Variants in TOX observed in about 807,000 individuals in gnomAD.
TOX encodes the protein thymocyte selection associated high mobility group box.
In TOX, 11 loss-of-function variants were observed where a neutral mutation model predicts 53.7. The ratio of observed to expected loss-of-function variants is 0.20; its 90% CI spans 0.13 to 0.34. The LOEUF is 0.34. Ranked by LOEUF, TOX falls within the 10% of genes least tolerant of loss-of-function variation. The pLI is 1.00. For synonymous variants in TOX, 225 were observed against 245.3 expected (o/e 0.92, Z 0.77); for missense variants, 570 against 664.6 (o/e 0.86, Z 1.56).
At chr8:58,907,567 C>A (rs1245548105) in intron 3 of TOX, among the ~76,000 whole-genome samples, 2 of 152,020 alleles carry the variant, frequency 1.3e-5, no homozygotes, top group African/African-American at 4.8e-5. Context: ...TGCACTCCAG[C>A]CTGTGCGACA....
At chr8:58,827,552 C>A (rs1810386554) in intron 5 of TOX, among the ~76,000 whole-genome samples, 1 of 152,182 alleles carries the variant, frequency 6.6e-6, no homozygotes, top group Non-Finnish European at 1.5e-5. Flanking sequence ...TGGTCACGTC[C>A]TTTCCAAGAA....
Position 59,057,481 on chromosome 8 carries a change from T to C in TOX, c.102+61405A>G, listed in dbSNP as rs991023843. Among the ~76,000 whole-genome samples the C allele has an allele frequency of 4.6e-5, 7 of 152,288 alleles. No homozygotes were observed. The East Asian group carries it at 1.3e-3, about 29-fold the overall frequency. On this transcript the variant is annotated intron_variant, in intron 1 of 8. Coordinates refer to ENST00000361421, the MANE Select transcript of TOX (RefSeq NM_014729.3). ...ACTGGAAACAATAAGTATTAGTTCC[T>C]AGTATCTGATTTAATCCTCACCCCA...
intron 1 of TOX, among the ~76,000 whole-genome samples, chr8:59,112,563 T>C (rs1024832353): frequency 2.0e-5 from 3 of 152,056 alleles, no homozygotes; most frequent in African/African-American, 7.2e-5. Context: ...TTCTGAAAAG[T>C]GCATATTCAA....
Position 58,815,690 on chromosome 8 carries a change from T to G in TOX, c.1040A>C (p.Gln347Pro). Residue 347 changes from glutamine to proline, a missense_variant, in exon 7 of 9, where the codon CAA (glutamine) becomes CCA (proline). This residue lies in a region of TOX where 239 missense variants were observed against 250.7 expected (regional missense o/e 0.95). Transcript: ENST00000361421. ...YSEPVDVKTS[Q>P]PPQLINSKPS... ...CTTCGAATTGATCAGCTGAGGAGGTTGAGATGTCTTCACGTCAACAGGTTC... is the reference window on the plus strand; with the variant it reads ...CTTCGAATTGATCAGCTGAGGAGGTGGAGATGTCTTCACGTCAACAGGTTC... 6.2e-7 allele frequency: 1 copy of G among 1,613,466 alleles called. No homozygotes were observed. The highest frequency in any genetic ancestry group is 8.5e-7 in the Non-Finnish European group (1 of 1,179,706).
Position 58,815,625 on chromosome 8 carries a change from G to A in TOX, c.1105C>T (p.Leu369=), listed in dbSNP as rs199561519. Residue 369 remains leucine, a synonymous_variant, in exon 7 of 9, where the codon CTG becomes TTG. Transcript: ENST00000361421. ...FHGPSQAHSA[L]YLSSHYHQQP... ...TGGTGATAGTGGGAACTTAGGTACA[G>A]GGCCGAGTGGGCCTGGCTGGGCCCA... The A allele has an allele frequency of 3.4e-4, 555 of 1,614,048 alleles. 1 individual carries two copies. Among genetic ancestry groups the A allele is most frequent in the Non-Finnish European group, 4.4e-4 (516 of 1,180,028 alleles).
intron 3 of TOX, among the ~76,000 whole-genome samples, chr8:58,879,338 A>G (rs2129170744): frequency 6.6e-6 from 1 of 152,334 alleles, no homozygotes; most frequent in African/African-American, 2.4e-5. Context: ...ATTAGTGCAT[A>G]TAATTTAGAA....
At chr8:58,913,557 G>A (rs1324245744) in intron 3 of TOX, among the ~76,000 whole-genome samples, 1 of 151,986 alleles carries the variant, frequency 6.6e-6, no homozygotes, top group African/African-American at 2.4e-5. Context: ...CATTCTCTTG[G>A]TGCTTCACCT....
chr8:59,093,919 C>A (rs534695608), intron 1 of TOX, among the ~76,000 whole-genome samples: 38 of 152,252 alleles, frequency 2.5e-4, no homozygotes, highest in African/African-American at 9.1e-4. Context: ...TACCTGCCAG[C>A]TTGTCACACT....
intron 1 of TOX, among the ~76,000 whole-genome samples, chr8:59,076,491 A>G (rs1804294576): frequency 6.6e-6 from 1 of 152,190 alleles, no homozygotes; most frequent in Non-Finnish European, 1.5e-5. Context: ...TTTTTAAAAG[A>G]ATTCATAATA....
intron 1 of TOX, among the ~76,000 whole-genome samples, chr8:58,988,110 T>C (rs1008523248): frequency 6.6e-6 from 1 of 152,184 alleles, no homozygotes; most frequent in Non-Finnish European, 1.5e-5. Context: ...AAACATTGGA[T>C]GAACAGTCAC....
intron 3 of TOX, among the ~76,000 whole-genome samples, chr8:58,900,346 G>A (rs1462853912): frequency 6.6e-6 from 1 of 151,894 alleles, no homozygotes; most frequent in Non-Finnish European, 1.5e-5. Flanking sequence ...ACAAGTAGAT[G>A]AATACATATA....
At chr8:58,974,862 T>C (rs1813062431) in intron 1 of TOX, among the ~76,000 whole-genome samples, 1 of 152,158 alleles carries the variant, frequency 6.6e-6, no homozygotes, top group African/African-American at 2.4e-5. Flanking sequence ...TCTGAGTAGA[T>C]GGCACTATTA....
In TOX at chr8:58,877,858, TAAAAA is replaced by T. The variant is rs76496222; in HGVS notation, c.412-26058_412-26054del. Reference sequence around the variant, plus strand: ...GAATATTTGGAGAAAGCCTACATATTAAAAAAAAAAAAAGCCTCAGGAAAACTTTC... The same window carrying T: ...GAATATTTGGAGAAAGCCTACATATTAAAAAAAAGCCTCAGGAAAACTTTC... On this transcript the variant is annotated intron_variant, in intron 3 of 8. Coordinates refer to ENST00000361421, the MANE Select transcript of TOX (RefSeq NM_014729.3). Among the ~76,000 whole-genome samples, 4 of 147,730 alleles carry T rather than the reference TAAAAA, an allele frequency of 2.7e-5. No homozygotes were observed. The East Asian group carries it at 5.9e-4, about 22-fold the overall frequency.
At chr8:59,105,744 C>G (rs944150415) in intron 1 of TOX, among the ~76,000 whole-genome samples, 1 of 152,150 alleles carries the variant, frequency 6.6e-6, no homozygotes, top group Admixed American at 6.5e-5. Flanking sequence ...CTTTTTCTCA[C>G]CTATTCAAAA....
At position 59,063,337 on chromosome 8, in the gene TOX, T is replaced by C. The variant is rs902125412; in HGVS notation, c.102+55549A>G. ...TATTTTTATGTTTCTCACCTAATGA[T>C]AAAATTTGCAAAATTTTTTTTTTAT... is the stretch of plus-strand genomic sequence containing the variant. On this transcript the variant is annotated intron_variant, in intron 1 of 8. Coordinates refer to ENST00000361421, the MANE Select transcript of TOX (RefSeq NM_014729.3). 1.3e-4 allele frequency among the ~76,000 whole-genome samples: 20 copies of C among 152,108 alleles called. 1 individual carries two copies. Among genetic ancestry groups the C allele is most frequent in the Middle Eastern group, 3.4e-3 (1 of 292 alleles).
chr8:59,023,143 C>T (rs569901214), intron 1 of TOX, among the ~76,000 whole-genome samples: 10 of 152,106 alleles, frequency 6.6e-5, no homozygotes, highest in African/African-American at 2.4e-4. Context: ...CGCTGAGAAA[C>T]TGAAGGTTTA....
chr8:58,991,913 C>G (rs1226476257), intron 1 of TOX: 1 of 152,240 alleles, frequency 6.6e-6, no homozygotes, highest in Non-Finnish European at 1.5e-5. Flanking sequence ...TCTCCCCTGG[C>G]TGTCAGGCAG....
intron 3 of TOX, among the ~76,000 whole-genome samples, chr8:58,897,951 C>G (rs1811679498): frequency 6.6e-6 from 1 of 152,058 alleles, no homozygotes; most frequent in Non-Finnish European, 1.5e-5. Flanking sequence ...GAATTTAATA[C>G]TGATTACCTA....
intron 1 of TOX, among the ~76,000 whole-genome samples, chr8:59,051,627 T>A (rs1354147313): frequency 6.6e-6 from 1 of 152,078 alleles, no homozygotes; most frequent in Non-Finnish European, 1.5e-5. Context: ...AATATCCATG[T>A]CTCTATGCAA....
Sources: allele counts gnomAD v4.1 joint callset (sites outside exome capture counted in the v4.1 genomes callset), GRCh38; gene constraint gnomAD v4.1.1; regional missense constraint gnomAD v4.1.1; transcripts MANE v1.5; gene names NCBI Gene and HGNC (gene_info 2026-07-23, HGNC 2026-07-21).